KHDRBS2: variants seen among roughly 807,000 people sequenced by gnomAD.
The protein encoded by KHDRBS2 is KH domain-containing, RNA-binding, signal transduction-associated protein 2.
KHDRBS2 carries 26 observed loss-of-function variants against 44.3 expected under a neutral mutation model. The observed-to-expected ratio is 0.59, with a 90% CI of 0.43 to 0.81. The LOEUF is 0.81. Among genes scored for constraint, KHDRBS2 ranks in the 40% least tolerant of loss-of-function variants. KHDRBS2 has a pLI of 0.00. For missense variants in KHDRBS2, 476 were observed against 433.1 expected (o/e 1.10, Z -0.88); for synonymous variants, 194 against 151.1 (o/e 1.28, Z -2.08).
At chr6:62,148,679 C>T (rs1400745918) in intron 2 of KHDRBS2, among the ~76,000 whole-genome samples, 7 of 151,896 alleles carry the variant, frequency 4.6e-5, no homozygotes, top group Non-Finnish European at 1.0e-4. Context: ...GAAAAAAATC[C>T]GAGGGCCTCA....
intron 6 of KHDRBS2, among the ~76,000 whole-genome samples, chr6:61,847,586 G>A (rs576172778): frequency 1.4e-4 from 21 of 152,140 alleles, no homozygotes; most frequent in East Asian, 3.9e-4. Context: ...GTTTATGTTC[G>A]AAAACATGTA....
chr6:62,102,744 A>T (rs766431603), intron 2 of KHDRBS2, among the ~76,000 whole-genome samples: 3 of 152,126 alleles, frequency 2.0e-5, no homozygotes, highest in Non-Finnish European at 2.9e-5. Flanking sequence ...ACCCCAAGAT[A>T]TGGGCCCCCA....
intron 6 of KHDRBS2, among the ~76,000 whole-genome samples, chr6:61,882,192 G>A (rs918100948): frequency 6.6e-6 from 1 of 151,984 alleles, no homozygotes; most frequent in African/African-American, 2.4e-5. Context: ...TGTAGATGTT[G>A]AGAAGAAGAA....
At chr6:61,945,113 G>GTGTATATATA (rs1813029505) in intron 4 of KHDRBS2, among the ~76,000 whole-genome samples, 1 of 14,990 alleles carries the variant, frequency 6.7e-5, no homozygotes, top group Non-Finnish European at 1.1e-4. Context: ...AAAAAAAAAA[G>GTGTATATATA]TATATATATA....
chr6:62,136,151 A>G (rs1322090287), intron 2 of KHDRBS2, among the ~76,000 whole-genome samples: 1 of 152,206 alleles, frequency 6.6e-6, no homozygotes, highest in South Asian at 2.1e-4. Context: ...TTCATTGTGC[A>G]TATGTATATC....
intron 2 of KHDRBS2, among the ~76,000 whole-genome samples, chr6:62,062,559 A>G (rs1169593862): frequency 1.3e-5 from 2 of 151,416 alleles, no homozygotes; most frequent in South Asian, 2.1e-4. Context: ...AGGCAGAAAT[A>G]AAGATGTTCT....
chr6:61,987,767 G>T (rs1252703186), intron 3 of KHDRBS2, among the ~76,000 whole-genome samples: 1 of 152,164 alleles, frequency 6.6e-6, no homozygotes, highest in Non-Finnish European at 1.5e-5. Flanking sequence ...GCATATAAGT[G>T]CATGATAGAG....
At chr6:62,196,902 T>C (rs138250591) in intron 1 of KHDRBS2, among the ~76,000 whole-genome samples, 268 of 152,062 alleles carry the variant, frequency 1.8e-3, no homozygotes, top group African/African-American at 5.9e-3. Flanking sequence ...AAGAGAACCA[T>C]AGGAAGCGCC....
At chr6:61,693,602 C>G (rs1440249766) in intron 8 of KHDRBS2, among the ~76,000 whole-genome samples, 1 of 152,244 alleles carries the variant, frequency 6.6e-6, no homozygotes, top group East Asian at 1.9e-4. Context: ...CTTCCTTATT[C>G]TGTTCAGACA....
intron 2 of KHDRBS2, among the ~76,000 whole-genome samples, chr6:62,167,627 G>T (rs1379623350): frequency 6.6e-6 from 1 of 151,992 alleles, no homozygotes; most frequent in Non-Finnish European, 1.5e-5. Context: ...ATGAGGAGTT[G>T]GGAAACTGAT....
At chr6:61,798,464 G>T (rs1202795527) in intron 6 of KHDRBS2, among the ~76,000 whole-genome samples, 2 of 152,046 alleles carry the variant, frequency 1.3e-5, no homozygotes, top group South Asian at 2.1e-4. Context: ...AATTAGTCAC[G>T]GTCAGTTTGG....
At chr6:61,799,359 GT>G (rs1183829025) in intron 6 of KHDRBS2, among the ~76,000 whole-genome samples, 7 of 151,568 alleles carry the variant, frequency 4.6e-5, no homozygotes, top group African/African-American at 1.7e-4. Context: ...TTTTTGCATA[GT>G]TTTTTCTTTT....
chr6:61,617,269 T>C, the KHDRBS2 span, among the ~76,000 whole-genome samples: 1 of 152,222 alleles, frequency 6.6e-6, no homozygotes, highest in East Asian at 1.9e-4. Context: ...ATTTAAAGAC[T>C]GATTCATAAA....
chr6:61,994,306 C>T (rs548316525), intron 3 of KHDRBS2, among the ~76,000 whole-genome samples: 1 of 152,250 alleles, frequency 6.6e-6, no homozygotes, highest in South Asian at 2.1e-4. Context: ...ATAGAACTCA[C>T]CTCTAAAAGA....
chr6:61,753,536 T>G (rs941942671), intron 6 of KHDRBS2, among the ~76,000 whole-genome samples: 1 of 152,174 alleles, frequency 6.6e-6, no homozygotes, highest in African/African-American at 2.4e-5. Flanking sequence ...CTCTGCTGAG[T>G]TAATCAATAG....
At chr6:62,151,047 A>T (rs981263645) in intron 2 of KHDRBS2, among the ~76,000 whole-genome samples, 1 of 151,946 alleles carries the variant, frequency 6.6e-6, no homozygotes, top group Non-Finnish European at 1.5e-5. Context: ...TTCTATCTGC[A>T]CCTTTTGCTA....
rs1381170989 is a variant in KHDRBS2, at chr6:62,022,073, A to G, written c.336+25805T>C. 2.0e-5 allele frequency among the ~76,000 whole-genome samples: 3 copies of G among 150,868 alleles called. No homozygotes were observed. In the South Asian group the frequency reaches 6.2e-4, roughly 31 times the overall value. ...TCTGTAGGGGAGAACAAAGTTTTCC[A>G]AATGCTAGATCAAGTATTAGGAAAG... is the stretch of plus-strand genomic sequence containing the variant. On this transcript the variant is annotated intron_variant, in intron 3 of 8. Transcript: ENST00000281156.
At chr6:61,598,542 G>A in the KHDRBS2 span, among the ~76,000 whole-genome samples, 1 of 152,178 alleles carries the variant, frequency 6.6e-6, no homozygotes, top group African/African-American at 2.4e-5. Context: ...AAGTCAGTAA[G>A]ACAGGAGATC....
Position 62,037,775 on chromosome 6 carries a change from C to T in KHDRBS2, c.336+10103G>A, listed in dbSNP as rs772107163. On this transcript the variant is annotated intron_variant, in intron 3 of 8. Coordinates refer to ENST00000281156, the MANE Select transcript of KHDRBS2 (RefSeq NM_152688.4). ...AAAGGATTCCTTATCTGGAAAAAGG[C>T]ATATGCAAGAATACTGGCATAACAG... 1.1e-4 allele frequency among the ~76,000 whole-genome samples: 17 copies of T among 151,936 alleles called. No individual in the cohort carries two copies. In the East Asian group the frequency reaches 1.9e-3, roughly 17 times the overall value.
Sources: allele counts gnomAD v4.1 joint callset (sites outside exome capture counted in the v4.1 genomes callset), GRCh38; gene constraint gnomAD v4.1.1; transcripts MANE v1.5; gene names NCBI Gene and HGNC (gene_info 2026-07-23, HGNC 2026-07-21).